STRN3: variants seen among roughly 807,000 people sequenced by gnomAD.
STRN3 encodes the protein striatin-3.
Under a neutral mutation model 95.6 loss-of-function variants are expected in STRN3, and 29 were observed. The ratio of observed to expected loss-of-function variants is 0.30; its 90% CI spans 0.23 to 0.41. The LOEUF is 0.41. Among genes scored for constraint, STRN3 ranks in the 10% least tolerant of loss-of-function variants. The pLI, the probability that STRN3 is intolerant of heterozygous loss-of-function variation, is 1.00. For synonymous variants in STRN3, 331 were observed against 357.6 expected (o/e 0.93, Z 0.84); for missense variants, 890 against 972.1 (o/e 0.92, Z 1.12).
intron 1 of STRN3, among the ~76,000 whole-genome samples, chr14:31,000,429 T>C (rs2139287606): frequency 6.6e-6 from 1 of 151,382 alleles, no homozygotes; most frequent in Admixed American, 6.6e-5. Flanking sequence ...TATACTATTA[T>C]AATTAAAATG....
At chr14:30,930,645 G>C (rs776933806) in intron 7 of STRN3, among the ~76,000 whole-genome samples, 1 of 152,010 alleles carries the variant, frequency 6.6e-6, no homozygotes. Flanking sequence ...TTACACCTAA[G>C]ATTATCTATC....
chr14:30,929,215 TTCCCCTTTCG>T lies in STRN3; in HGVS notation c.1075_1084del (p.Lys362Ter). On this transcript the variant is annotated frameshift_variant, in exon 8 of 18. Transcript: ENST00000357479. LOFTEE classifies it high-confidence loss of function. ...TCTGCACTTACTCTTCACCCCTTTC[TTCCCCTTTCG>T]TTCCTTCTTGTACTGTTCCTTCAGT... is the stretch of plus-strand genomic sequence containing the variant. The T allele has an allele frequency of 6.2e-7, 1 of 1,609,854 alleles. No individual in the cohort carries two copies. The highest frequency in any genetic ancestry group is 8.5e-7 in the Non-Finnish European group (1 of 1,178,344).
intron 11 of STRN3, 85 bp downstream of exon 11, chr14:30,911,922 T>C: frequency 7.1e-6 from 11 of 1,558,050 alleles, no homozygotes; most frequent in Non-Finnish European, 9.6e-6. Flanking sequence ...ATGTGTGCAT[T>C]AAAGACATGC....
intron 8 of STRN3, among the ~76,000 whole-genome samples, chr14:30,928,506 T>C (rs1878305779): frequency 6.6e-6 from 1 of 152,226 alleles, no homozygotes; most frequent in Non-Finnish European, 1.5e-5. Context: ...TTAAGTTTGC[T>C]TCACCAAATG....
chr14:30,935,018 C>A, intron 7 of STRN3, 145 bp downstream of exon 7: 1 of 1,012,242 alleles, frequency 9.9e-7, no homozygotes, highest in South Asian at 2.6e-5. Context: ...TACAAAATAC[C>A]TTGATATTAT....
chr14:30,995,445 CTT>C (rs1311801588), intron 1 of STRN3, among the ~76,000 whole-genome samples: 2 of 152,146 alleles, frequency 1.3e-5, no homozygotes, highest in Non-Finnish European at 2.9e-5. Context: ...AACCCTCTCT[CTT>C]GTTCTTAGCT....
intron 8 of STRN3, among the ~76,000 whole-genome samples, chr14:30,926,671 T>C (rs140461583): frequency 6.6e-6 from 1 of 152,064 alleles, no homozygotes; most frequent in African/African-American, 2.4e-5. Context: ...ATAACAAGCA[T>C]GTGTTATTTT....
chr14:30,967,880 G>A (rs1286469160), intron 1 of STRN3, among the ~76,000 whole-genome samples: 1 of 152,186 alleles, frequency 6.6e-6, no homozygotes, highest in East Asian at 1.9e-4. Flanking sequence ...ACCAGACCTA[G>A]GAGGAAGCCC....
intron 13 of STRN3, among the ~76,000 whole-genome samples, chr14:30,910,585 T>C (rs1594422669): frequency 6.6e-6 from 1 of 151,972 alleles, no homozygotes; most frequent in Admixed American, 6.5e-5. Context: ...TTTTTTTTTT[T>C]CTTCCATTTT....
intron 1 of STRN3, among the ~76,000 whole-genome samples, chr14:30,998,800 A>C (rs752104835): frequency 3.1e-4 from 47 of 152,296 alleles, no homozygotes; most frequent in Non-Finnish European, 5.9e-4. Context: ...GAGTTTCCAC[A>C]TTATATTAAA....
intron 10 of STRN3, 90 bp downstream of exon 10, chr14:30,913,434 C>T (rs1896659038): frequency 1.5e-6 from 2 of 1,314,456 alleles, no homozygotes; most frequent in African/African-American, 3.0e-5. Context: ...TTCCATGCAC[C>T]TTGATATTAA....
chr14:30,949,081 A>G (rs1411436022), intron 4 of STRN3, among the ~76,000 whole-genome samples: 1 of 152,212 alleles, frequency 6.6e-6, no homozygotes, highest in Non-Finnish European at 1.5e-5. Flanking sequence ...GAGGAGCAGA[A>G]AATCAAATAA....
rs1393225083 is a variant in STRN3 at position 30,895,892 on chromosome 14, A to G, written c.2138-144T>C. 6.0e-6 allele frequency: 4 copies of G among 662,958 alleles called. No individual in the cohort carries two copies. The East Asian group carries it at 1.1e-4, about 18-fold the overall frequency. The allele number at this position is 662,958 out of a possible 1,614,324, so 41.1% of individuals were successfully genotyped here. A position where few individuals can be genotyped will look rare whatever the true frequency, so the allele number is the denominator to read the frequency against. On this transcript the variant is annotated intron_variant, in intron 16 of 17. Transcript: ENST00000357479. The stretch of plus-strand genomic sequence containing the variant: ...AAATATACACAACATAAAATTTACC[A>G]CTGTAAACATCTGAGTACACAATCC...
intron 6 of STRN3, among the ~76,000 whole-genome samples, 179 bp downstream of exon 6, chr14:30,936,316 A>G (rs1460233638): frequency 6.6e-6 from 1 of 152,232 alleles, no homozygotes; most frequent in Non-Finnish European, 1.5e-5. Context: ...AGTGAATAAT[A>G]TAGCAAACAA....
At chr14:31,000,606 G>T (rs1443905429) in intron 1 of STRN3, among the ~76,000 whole-genome samples, 1 of 151,882 alleles carries the variant, frequency 6.6e-6, no homozygotes, top group African/African-American at 2.4e-5. Context: ...AAACAAAAAG[G>T]TATCTGATCT....
chr14:31,021,856 G>A (rs965817141), intron 1 of STRN3, among the ~76,000 whole-genome samples: 1 of 152,108 alleles, frequency 6.6e-6, no homozygotes, highest in Admixed American at 6.5e-5. Flanking sequence ...CTACAGAGTG[G>A]GGTTAATGGG....
At chr14:30,916,283 GTT>G (rs34133957) in intron 9 of STRN3, among the ~76,000 whole-genome samples, 2 of 142,326 alleles carry the variant, frequency 1.4e-5, no homozygotes, top group Non-Finnish European at 3.1e-5. Context: ...AGTTTTTTTG[GTT>G]TTTTTTTTTT....
At chr14:31,002,098 G>A (rs572247239) in intron 1 of STRN3, among the ~76,000 whole-genome samples, 22 of 147,558 alleles carry the variant, frequency 1.5e-4, no homozygotes, top group Non-Finnish European at 2.4e-4. Flanking sequence ...CCCGGTGGGC[G>A]GAGGTTGCAG....
At chr14:30,911,717 G>A (rs932211051) in intron 12 of STRN3, 60 bp downstream of exon 12, 4 of 1,457,774 alleles carry the variant, frequency 2.7e-6, no homozygotes, top group Non-Finnish European at 3.8e-6. Context: ...TTTGAGGACC[G>A]ATAAATAATA....
Sources: gnomAD v4.1 joint callset for allele counts (sites outside exome capture counted in the v4.1 genomes callset) on GRCh38, gnomAD v4.1.1 for gene constraint, MANE v1.5 for transcripts, NCBI Gene and HGNC (gene_info 2026-07-23, HGNC 2026-07-21) for gene names.